The following STS variants were observed in gnomAD, a reference collection of about 807,000 sequenced individuals.
STS encodes steryl-sulfatase.
In STS, 7 loss-of-function variants were observed where a neutral mutation model predicts 26.8. The ratio of observed to expected loss-of-function variants is 0.26; its 90% CI spans 0.15 to 0.49. The LOEUF (loss-of-function observed/expected upper bound fraction) is 0.49. Among genes scored for constraint, STS ranks in the 20% least tolerant of loss-of-function variants. The pLI, the probability that STS is intolerant of heterozygous loss-of-function variation, is 0.98. For synonymous variants in STS, 199 were observed against 189.4 expected (o/e 1.05, Z -0.42); for missense variants, 434 against 465.6 (o/e 0.93, Z 0.63).
chrX:7,325,530 G>C (rs752754848), intron 9 of STS, 32 bp downstream of exon 9: 11 of 1,204,691 alleles, frequency 9.1e-6, no homozygotes, highest in Middle Eastern at 2.9e-4. Context: ...TGGTATTGTT[G>C]AGCTCTGATT....
intron 2 of STS, among the ~76,000 whole-genome samples, chrX:7,238,216 A>AGATT (rs1922422581): frequency 1.0e-5 from 1 of 96,776 alleles, no homozygotes; most frequent in African/African-American, 3.5e-5. Context: ...ATAGATAGAT[A>AGATT]GATAGATAGC....
chrX:7,220,867 C>T (rs966600882), intron 2 of STS, among the ~76,000 whole-genome samples: 7 of 111,138 alleles, frequency 6.3e-5, no homozygotes, highest in African/African-American at 1.6e-4. Context: ...TTTTTATACC[C>T]TTAAGCATCC....
intron 1 of STS, among the ~76,000 whole-genome samples, chrX:7,159,999 A>T (rs994328790): frequency 1.8e-5 from 2 of 112,120 alleles, no homozygotes; most frequent in African/African-American, 6.5e-5. Flanking sequence ...GGAGACGTAC[A>T]AAGTGTCTTG....
At chrX:7,331,319 G>A (rs1464945620) in intron 9 of STS, among the ~76,000 whole-genome samples, 2 of 111,232 alleles carry the variant, frequency 1.8e-5, no homozygotes, top group Non-Finnish European at 3.8e-5. Flanking sequence ...CAAACAACCT[G>A]TTAATAGCGC....
chrX:7,274,470 G>T (rs1020298168), intron 6 of STS, among the ~76,000 whole-genome samples: 1 of 111,716 alleles, frequency 9.0e-6, no homozygotes, highest in Admixed American at 9.5e-5. Context: ...TTTCCCAGAC[G>T]AGAGGTAAAG....
At chrX:7,196,642 C>A (rs933600282) in intron 2 of STS, among the ~76,000 whole-genome samples, 1 of 111,981 alleles carries the variant, frequency 8.9e-6, no homozygotes, top group African/African-American at 3.2e-5. Context: ...AAGAGATGGA[C>A]GGATTTTAGT....
At chrX:7,148,190 G>T (rs1279251656) in intron 1 of STS, 107 bp downstream of exon 1, 2 of 672,023 alleles carry the variant, frequency 3.0e-6, no homozygotes, top group Non-Finnish European at 4.2e-6. Context: ...CGCGCACTGA[G>T]GACCTTCTCG....
At position 7,325,264 on chromosome X, in the gene STS, A is replaced by G. The variant is rs1328436245; in HGVS notation, c.1082-75A>G. 1.1e-5 allele frequency: 12 copies of G among 1,098,127 alleles called. No homozygotes were observed. The Admixed American group carries it at 1.2e-4, about 11-fold the overall frequency. 90.5% of individuals were successfully genotyped at this position (1,098,127 alleles called of 1,213,427 possible). On this transcript the variant is annotated intron_variant, in intron 8 of 10. Transcript: ENST00000674429. ...AGTTGGTTCTTCTACATTGAGCACGAAAGAGTCCATTGAAGTGAGCATTGA... is the reference window on the plus strand; with the variant it reads ...AGTTGGTTCTTCTACATTGAGCACGGAAGAGTCCATTGAAGTGAGCATTGA...
intron 2 of STS, among the ~76,000 whole-genome samples, chrX:7,206,248 G>C (rs749592218): frequency 8.9e-6 from 1 of 112,017 alleles, no homozygotes; most frequent in East Asian, 2.8e-4. Context: ...GCTGAAGATT[G>C]GGACCTGGTT....
At chrX:7,299,687 A>T (rs967684110) in intron 7 of STS, among the ~76,000 whole-genome samples, 6 of 110,726 alleles carry the variant, frequency 5.4e-5, no homozygotes, top group Non-Finnish European at 1.1e-4. Context: ...TTCTAACTCC[A>T]TTGTAAAGTT....
At chrX:7,212,276 C>T (rs1425672993) in intron 2 of STS, among the ~76,000 whole-genome samples, 6 of 110,755 alleles carry the variant, frequency 5.4e-5, no homozygotes, top group Admixed American at 1.9e-4. Flanking sequence ...TGAGACCAGC[C>T]ATGGGTAACA....
At chrX:7,307,396 A>G (rs1277456628) in intron 8 of STS, among the ~76,000 whole-genome samples, 2 of 111,330 alleles carry the variant, frequency 1.8e-5, no homozygotes, top group African/African-American at 6.5e-5. Flanking sequence ...AAGGCCAAAC[A>G]TCCACACCGA....
chrX:7,314,864 C>G (rs773189156), intron 8 of STS, among the ~76,000 whole-genome samples: 48 of 112,133 alleles, frequency 4.3e-4, no homozygotes, highest in Middle Eastern at 4.7e-3. Context: ...GGTAACTGGG[C>G]TCTGTGAGGG....
intron 9 of STS, 111 bp downstream of exon 9, chrX:7,325,609 T>C (rs1373200605): frequency 4.7e-5 from 44 of 936,388 alleles, no homozygotes; most frequent in Non-Finnish European, 6.8e-5. Flanking sequence ...CCCCCTGGAG[T>C]TTTCCTGAAA....
chrX:7,324,395 C>T (rs1381221263), intron 8 of STS, among the ~76,000 whole-genome samples: 1 of 111,317 alleles, frequency 9.0e-6, no homozygotes, highest in Admixed American at 9.6e-5. Flanking sequence ...TTAAAAGATA[C>T]CAGACTCTTG....
intron 7 of STS, among the ~76,000 whole-genome samples, chrX:7,297,634 T>G (rs1482046754): frequency 3.6e-5 from 4 of 112,029 alleles, no homozygotes; most frequent in Non-Finnish European, 5.6e-5. Context: ...AATTAATGCA[T>G]GTAGTGACTA....
chrX:7,212,418 G>A (rs1449831791), intron 2 of STS, among the ~76,000 whole-genome samples: 1 of 111,620 alleles, frequency 9.0e-6, no homozygotes, highest in Non-Finnish European at 1.9e-5. Context: ...GTTGCAGTTA[G>A]CTGAGATTTT....
intron 3 of STS, among the ~76,000 whole-genome samples, chrX:7,256,819 C>T (rs1163354527): frequency 8.9e-6 from 1 of 111,945 alleles, no homozygotes; most frequent in East Asian, 2.8e-4. Context: ...TTTGTTGTAG[C>T]TTGAGTCTTG....
chrX:7,238,178 GTAGATAGATAGA>G (rs56331051), intron 2 of STS, among the ~76,000 whole-genome samples: 1,319 of 91,138 alleles, frequency 0.014, 14 homozygotes, highest in East Asian at 0.045. Context: ...AATGCGTGGT[GTAGATAGATAGA>G]TAGATAGATA....
Sources: gnomAD v4.1 joint callset for allele counts (sites outside exome capture counted in the v4.1 genomes callset) on GRCh38, gnomAD v4.1.1 for gene constraint, MANE v1.5 for transcripts, NCBI Gene and HGNC (gene_info 2026-07-23, HGNC 2026-07-21) for gene names.